The following MEGF10 variants were observed in gnomAD, a reference collection of about 807,000 sequenced individuals.
MEGF10 encodes multiple EGF like domains 10, also known as multiple epidermal growth factor-like domains protein 10.
MEGF10 carries 86 observed loss-of-function variants against 147.5 expected under a neutral mutation model. The ratio of observed to expected loss-of-function variants is 0.58; its 90% CI spans 0.49 to 0.70. MEGF10 has a LOEUF of 0.70. Among genes scored for constraint, MEGF10 ranks in the 30% least tolerant of loss-of-function variants. The pLI is 0.00. For synonymous variants in MEGF10, 478 were observed against 525.5 expected (o/e 0.91, Z 1.24); for missense variants, 1,329 against 1,487.3 (o/e 0.89, Z 1.75).
chr5:127,450,529 C>T (rs6885300), intron 22 of MEGF10, among the ~76,000 whole-genome samples: 2 of 152,136 alleles, frequency 1.3e-5, no homozygotes, highest in African/African-American at 2.4e-5. Flanking sequence ...TACAGGTGTG[C>T]AGTGTCTTAC....
At chr5:127,246,232 A>G in the MEGF10 span, among the ~76,000 whole-genome samples, 4 of 152,304 alleles carry the variant, frequency 2.6e-5, no homozygotes, top group East Asian at 1.9e-4. Context: ...TAGACTGGAT[A>G]AAGAAAATGT....
At chr5:127,315,371 A>T (rs1231689017) in intron 1 of MEGF10, among the ~76,000 whole-genome samples, 1 of 152,176 alleles carries the variant, frequency 6.6e-6, no homozygotes, top group African/African-American at 2.4e-5. Context: ...ATATACAAAC[A>T]CTTATGTACA....
At chr5:127,240,640 A>T in the MEGF10 span, among the ~76,000 whole-genome samples, 13,424 of 152,138 alleles carry the variant, frequency 0.088, 919 homozygotes, top group African/African-American at 0.19. Context: ...AAAATTGGTT[A>T]AGTCACTTGG....
At chr5:127,307,508 A>G (rs1760069102) in intron 1 of MEGF10, among the ~76,000 whole-genome samples, 1 of 152,176 alleles carries the variant, frequency 6.6e-6, no homozygotes, top group Non-Finnish European at 1.5e-5. Context: ...GAGGATGAAT[A>G]CTAATATCTA....
the MEGF10 span, among the ~76,000 whole-genome samples, chr5:127,266,057 T>A: frequency 3.1e-4 from 47 of 152,256 alleles, no homozygotes; most frequent in African/African-American, 1.1e-3. Flanking sequence ...GTTTTAGGTC[T>A]AACATTTAAG....
Position 127,457,411 on chromosome 5 carries a change from T to G in MEGF10, c.*93T>G, listed in dbSNP as rs192406612. The G allele has an allele frequency of 7.2e-7, 1 of 1,386,044 alleles. No homozygotes were observed. The highest frequency in any genetic ancestry group is 2.4e-5 in the East Asian group (1 of 41,204). The allele number at this position is 1,386,044 out of a possible 1,614,324, so 85.9% of individuals were successfully genotyped here. ...CAATTTTGCCACTTTCATGTGAATG[T>G]TAGTCAATTCGGTGGGCAATTTTTG... On this transcript the variant is annotated 3_prime_UTR_variant, in exon 25 of 25. Coordinates refer to ENST00000503335, the MANE Select transcript of MEGF10 (RefSeq NM_001256545.2).
Position 127,344,898 on chromosome 5 carries a change from T to C in MEGF10, c.319+4268T>C, listed in dbSNP as rs572142173. On this transcript the variant is annotated intron_variant, in intron 4 of 24. Transcript: ENST00000503335. ...GTTAGTGGATATTCAGGATTGTTGT[T>C]ACTGCTGCAGTTTCTAAACTTTTGG... Among the ~76,000 whole-genome samples, 3 of 152,350 alleles carry C rather than the reference T, an allele frequency of 2.0e-5. No individual in the cohort carries two copies. The South Asian group carries it at 6.2e-4, about 32-fold the overall frequency.
chr5:127,399,851 T>C (rs1764060325), intron 7 of MEGF10, among the ~76,000 whole-genome samples: 1 of 152,236 alleles, frequency 6.6e-6, no homozygotes, highest in East Asian at 1.9e-4. Context: ...TCACCATAAA[T>C]CCACTCTGGC....
chr5:127,364,265 C>T (rs181167076), intron 4 of MEGF10, among the ~76,000 whole-genome samples: 14 of 152,276 alleles, frequency 9.2e-5, no homozygotes, highest in East Asian at 7.7e-4. Flanking sequence ...TACCTACTAC[C>T]CATCAATCCA....
chr5:127,374,202 C>T (rs79364406), intron 5 of MEGF10, among the ~76,000 whole-genome samples: 2,449 of 152,292 alleles, frequency 0.016, 47 homozygotes, highest in South Asian at 0.076. Flanking sequence ...ATTGGCACTG[C>T]GCTTACATTG....
intron 4 of MEGF10, among the ~76,000 whole-genome samples, chr5:127,366,530 A>C (rs1762661308): frequency 6.6e-6 from 1 of 152,238 alleles, no homozygotes; most frequent in Admixed American, 6.5e-5. Context: ...AGCTTTAATT[A>C]AGAAAAAAGA....
intron 7 of MEGF10, among the ~76,000 whole-genome samples, chr5:127,400,186 G>A (rs1037357407): frequency 3.9e-5 from 6 of 152,194 alleles, no homozygotes; most frequent in African/African-American, 1.4e-4. Context: ...ATCTGAGAGG[G>A]TTAGAAATGG....
At chr5:127,402,452 C>T in intron 7 of MEGF10, 94 bp from the exon 8 acceptor site, 1 of 1,382,318 alleles carries the variant, frequency 7.2e-7, no homozygotes, top group Non-Finnish European at 9.9e-7. Context: ...GTTCCCCATC[C>T]CTCCTTTCTA....
intron 2 of MEGF10, among the ~76,000 whole-genome samples, chr5:127,338,741 A>T (rs775707950): frequency 2.0e-5 from 3 of 152,136 alleles, no homozygotes; most frequent in Non-Finnish European, 4.4e-5. Context: ...CATTATTTGC[A>T]TGCAGACTTA....
intron 13 of MEGF10, chr5:127,424,461 ATACT>A (rs1765141718): frequency 3.1e-6 from 4 of 1,284,984 alleles, no homozygotes; most frequent in Non-Finnish European, 2.1e-6. Context: ...AATTTGGGGA[ATACT>A]GTCCACTTAA....
chr5:127,267,254 G>A, the MEGF10 span, among the ~76,000 whole-genome samples: 2 of 152,186 alleles, frequency 1.3e-5, no homozygotes, highest in African/African-American at 2.4e-5. Context: ...AACCAGCCTT[G>A]CATCCCAGGG....
chr5:127,254,025 G>C, the MEGF10 span, among the ~76,000 whole-genome samples: 1 of 151,976 alleles, frequency 6.6e-6, no homozygotes, highest in East Asian at 1.9e-4. Context: ...GCAATCTACA[G>C]CTTTGCACTT....
chr5:127,274,432 T>A, the MEGF10 span, among the ~76,000 whole-genome samples: 1 of 152,164 alleles, frequency 6.6e-6, no homozygotes, highest in African/African-American at 2.4e-5. Flanking sequence ...ATTTCAATTT[T>A]TTGGAGATCT....
At chr5:127,259,441 G>A in the MEGF10 span, among the ~76,000 whole-genome samples, 1 of 152,158 alleles carries the variant, frequency 6.6e-6, no homozygotes, top group Non-Finnish European at 1.5e-5. Flanking sequence ...AATGTCAAAG[G>A]GGGGAGAGTG....
Sources: allele counts gnomAD v4.1 joint callset (sites outside exome capture counted in the v4.1 genomes callset), GRCh38; gene constraint gnomAD v4.1.1; transcripts MANE v1.5; gene names NCBI Gene and HGNC (gene_info 2026-07-23, HGNC 2026-07-21).